Variants in FBXO16 observed in about 807,000 individuals in gnomAD.
FBXO16 encodes F-box only protein 16.
In FBXO16, 31 loss-of-function variants were observed where a neutral mutation model predicts 41.0. The observed-to-expected ratio is 0.76, with a 90% CI of 0.57 to 1.02. The LOEUF (loss-of-function observed/expected upper bound fraction) is 1.02. Ranked by LOEUF, FBXO16 falls within the 50% of genes least tolerant of loss-of-function variation. FBXO16 has a pLI of 0.00. For missense variants in FBXO16, 361 were observed against 346.2 expected (o/e 1.04, Z -0.34); for synonymous variants, 133 against 117.8 (o/e 1.13, Z -0.84).
At chr8:28,436,396 A>G (rs1802687971) in intron 7 of FBXO16, among the ~76,000 whole-genome samples, 1 of 152,248 alleles carries the variant, frequency 6.6e-6, no homozygotes, top group Admixed American at 6.5e-5. Context: ...AAACAGAGGC[A>G]AGGTGTTAGA....
intron 2 of FBXO16, among the ~76,000 whole-genome samples, chr8:28,479,677 G>C (rs1396260750): frequency 6.6e-6 from 1 of 152,030 alleles, no homozygotes. Flanking sequence ...TTGCAAACAG[G>C]TGCTCAGTAA....
chr8:28,465,347 G>A (rs7812609), intron 3 of FBXO16: 16,161 of 445,442 alleles, frequency 0.036, 820 homozygotes, highest in African/African-American at 0.13. Flanking sequence ...AATAGGCCCC[G>A]TGTGGTGGCT....
chr8:28,470,880 C>T lies in FBXO16; in HGVS notation c.135+2892G>A, dbSNP rs374828596. 2.3e-4 allele frequency among the ~76,000 whole-genome samples: 35 copies of T among 152,236 alleles called. 1 individual carries two copies. In the East Asian group the frequency reaches 6.4e-3, roughly 28 times the overall value. The stretch of plus-strand genomic sequence containing the variant: ...ATTTGCAAAACAGTTTTCCTTGTTT[C>T]TCTTTTGAATTCTAACTCTGATTAT... On this transcript the variant is annotated intron_variant, in intron 3 of 8. Transcript: ENST00000380254.
At chr8:28,451,762 C>A (rs980142982) in intron 6 of FBXO16, among the ~76,000 whole-genome samples, 17 of 151,994 alleles carry the variant, frequency 1.1e-4, no homozygotes, top group Admixed American at 6.6e-4. Flanking sequence ...GCATGTGGAT[C>A]ACCTGAGGTC....
At chr8:28,473,983 CT>C (rs1038870879) in intron 2 of FBXO16, among the ~76,000 whole-genome samples, 176 bp from the exon 3 acceptor site, 7 of 151,136 alleles carry the variant, frequency 4.6e-5, no homozygotes, top group African/African-American at 9.7e-5. Flanking sequence ...GTTTCTCTCT[CT>C]TTTTTTTTCT....
chr8:28,472,596 G>A (rs187193036), intron 3 of FBXO16, among the ~76,000 whole-genome samples: 8 of 152,182 alleles, frequency 5.3e-5, no homozygotes, highest in Admixed American at 4.6e-4. Context: ...CAACAAACTA[G>A]CCAGGCATAG....
At chr8:28,454,457 G>T (rs1379669115) in intron 5 of FBXO16, among the ~76,000 whole-genome samples, 2 of 151,700 alleles carry the variant, frequency 1.3e-5, no homozygotes, top group South Asian at 4.1e-4. Context: ...GGCCGGGCGC[G>T]GTGGCTGAAG....
intron 4 of FBXO16, among the ~76,000 whole-genome samples, chr8:28,460,243 ATATTTT>A (rs201004374): frequency 3.2e-5 from 3 of 93,790 alleles, no homozygotes; most frequent in African/African-American, 1.9e-4. Context: ...ATATATATAT[ATATTTT>A]TTTTTTTTTT....
At chr8:28,460,223 G>GTATATATATATATATATA (rs1408340610) in intron 4 of FBXO16, among the ~76,000 whole-genome samples, 2 of 89,782 alleles carry the variant, frequency 2.2e-5, no homozygotes, top group Admixed American at 1.5e-4. Flanking sequence ...ATATATGTGT[G>GTATATATATATATATATA]TGTATATATA....
intron 5 of FBXO16, among the ~76,000 whole-genome samples, chr8:28,454,524 C>T (rs535149641): frequency 2.0e-5 from 3 of 151,298 alleles, no homozygotes; most frequent in Admixed American, 2.0e-4. Context: ...GTCAGAAGAT[C>T]GAGACCATCC....
At chr8:28,434,568 A>C (rs570056054) in intron 7 of FBXO16, among the ~76,000 whole-genome samples, 2 of 152,312 alleles carry the variant, frequency 1.3e-5, no homozygotes, top group Admixed American at 6.5e-5. Flanking sequence ...TGTGGTAAAG[A>C]ATCTTACCAC....
intron 1 of FBXO16, among the ~76,000 whole-genome samples, chr8:28,488,863 C>T (rs1313299941): frequency 6.6e-6 from 1 of 152,178 alleles, no homozygotes; most frequent in African/African-American, 2.4e-5. Context: ...TTCAGTCTCA[C>T]CTGGCCCCAC....
chr8:28,474,185 G>A (rs548034427), intron 2 of FBXO16, among the ~76,000 whole-genome samples: 20 of 151,610 alleles, frequency 1.3e-4, no homozygotes, highest in South Asian at 2.1e-4. Context: ...TTAGCCAGGC[G>A]TGGTGGTGTG....
In FBXO16 at chr8:28,458,066, C is replaced by A. The variant is rs186933806; in HGVS notation, c.343-1136G>T. ...GCAAAGATGACATACAACCTTCAAGCCCAAATTTCACCCTTAGAAAACTGG... is the reference window on the plus strand; with the variant it reads ...GCAAAGATGACATACAACCTTCAAGACCAAATTTCACCCTTAGAAAACTGG... On this transcript the variant is annotated intron_variant, in intron 4 of 8. Coordinates refer to ENST00000380254, the MANE Select transcript of FBXO16 (RefSeq NM_172366.4). Among the ~76,000 whole-genome samples, 5 of 152,298 alleles carry A rather than the reference C, an allele frequency of 3.3e-5. No individual in the cohort carries two copies. The East Asian group carries it at 7.7e-4, about 23-fold the overall frequency.
chr8:28,439,840 G>A (rs1585892557), intron 7 of FBXO16, among the ~76,000 whole-genome samples: 1 of 110,928 alleles, frequency 9.0e-6, no homozygotes, highest in South Asian at 3.7e-4. Flanking sequence ...TTGCCTGCAA[G>A]GAAGCTTCTG....
intron 5 of FBXO16, among the ~76,000 whole-genome samples, chr8:28,454,038 T>C (rs1033337606): frequency 2.6e-5 from 4 of 151,854 alleles, no homozygotes; most frequent in African/African-American, 9.7e-5. Context: ...TGGTGGCGCA[T>C]GCCTGTAATC....
chr8:28,452,611 GC>G, intron 5 of FBXO16, 135 bp from the exon 6 acceptor site: 1 of 737,494 alleles, frequency 1.4e-6, no homozygotes, highest in Non-Finnish European at 2.2e-6. Flanking sequence ...GACCAGCCTG[GC>G]CAACATGGTG....
intron 3 of FBXO16, among the ~76,000 whole-genome samples, chr8:28,472,701 C>T (rs148597318): frequency 1.3e-5 from 2 of 152,192 alleles, no homozygotes; most frequent in East Asian, 3.9e-4. Context: ...TCCGAGATGG[C>T]ACCATTACAC....
intron 7 of FBXO16, among the ~76,000 whole-genome samples, chr8:28,441,910 ATGTGTGTGTGTG>A (rs1175392833): frequency 1.7e-4 from 18 of 107,890 alleles, no homozygotes; most frequent in South Asian, 5.8e-4. Flanking sequence ...GTATATATAT[ATGTGTGTGTGTG>A]TGTGTGTGTG....
Sources: allele counts gnomAD v4.1 joint callset (sites outside exome capture counted in the v4.1 genomes callset), GRCh38; gene constraint gnomAD v4.1.1; transcripts MANE v1.5; gene names NCBI Gene and HGNC (gene_info 2026-07-23, HGNC 2026-07-21).